Variants in GNA12 observed in about 807,000 individuals in gnomAD.
GNA12 encodes the protein guanine nucleotide-binding protein subunit alpha-12.
In GNA12, 9 loss-of-function variants were observed where a neutral mutation model predicts 26.0. That is an observed-to-expected ratio of 0.35 (90% confidence interval 0.21 to 0.60). The LOEUF (loss-of-function observed/expected upper bound fraction) is 0.60, where lower values mean the gene tolerates loss of function less well. GNA12 is among the 20% of genes least tolerant of loss of function. GNA12 has a pLI of 0.78. For synonymous variants in GNA12, 264 were observed against 219.6 expected (o/e 1.20, Z -1.79); for missense variants, 405 against 525.8 (o/e 0.77, Z 2.25).
intron 2 of GNA12, among the ~76,000 whole-genome samples, chr7:2,792,281 T>G (rs555018258): frequency 6.6e-6 from 1 of 152,224 alleles, no homozygotes; most frequent in African/African-American, 2.4e-5. Context: ...AGACTGGGCT[T>G]TGAGGCCCAA....
rs1791688469 is a variant in GNA12, at chr7:2,763,821, T to A, written c.526-30320A>T. On this transcript the variant is annotated intron_variant, in intron 2 of 3. Transcript: ENST00000275364. ...TCCCTGGGCAGGCGAGGCCGGGACC[T>A]CTGCACTGAGATCCCCACTCAGTGG... 2.0e-5 allele frequency among the ~76,000 whole-genome samples: 3 copies of A among 152,284 alleles called. No individual in the cohort carries two copies. In the South Asian group the frequency reaches 6.2e-4, roughly 32 times the overall value.
At chr7:2,766,200 T>C (rs1791797896) in intron 2 of GNA12, among the ~76,000 whole-genome samples, 1 of 152,176 alleles carries the variant, frequency 6.6e-6, no homozygotes, top group African/African-American at 2.4e-5. Flanking sequence ...GGTTATCACA[T>C]AAGCAGAATC....
At chr7:2,825,071 T>C (rs1267639942) in intron 1 of GNA12, among the ~76,000 whole-genome samples, 1 of 152,100 alleles carries the variant, frequency 6.6e-6, no homozygotes, top group Non-Finnish European at 1.5e-5. Context: ...TCCATGACCA[T>C]CTCTAAACAT....
At chr7:2,736,389 A>T (rs1790177513) in intron 2 of GNA12, among the ~76,000 whole-genome samples, 1 of 152,130 alleles carries the variant, frequency 6.6e-6, no homozygotes, top group Non-Finnish European at 1.5e-5. Context: ...AATGAAATGA[A>T]TTTCATTAGG....
At chr7:2,776,955 A>G (rs1792092761) in intron 2 of GNA12, among the ~76,000 whole-genome samples, 1 of 141,048 alleles carries the variant, frequency 7.1e-6, no homozygotes, top group Non-Finnish European at 1.6e-5. Context: ...CAATAATAAA[A>G]TAAGAATAAA....
intron 2 of GNA12, among the ~76,000 whole-genome samples, chr7:2,738,414 GGCTACGCACCGGC>G (rs1432884357): frequency 6.6e-6 from 1 of 152,200 alleles, no homozygotes; most frequent in African/African-American, 2.4e-5. Flanking sequence ...CGCAGTCAGG[GGCTACGCACCGGC>G]GAAGGAGAAG....
rs369485204 is a variant in GNA12 at position 2,731,154 on chromosome 7, C to T, written c.*27G>A. 64 of 1,537,674 alleles carry T rather than the reference C, an allele frequency of 4.2e-5. No homozygotes were observed. The highest frequency in any genetic ancestry group is 3.4e-4 in the Middle Eastern group (2 of 5,816). On this transcript the variant is annotated 3_prime_UTR_variant, in exon 4 of 4. Transcript: ENST00000275364. This position sits in a 1 kb window ranked among gnomAD's most constrained non-coding sequence, Gnocchi z 6.0. ...ACCGACAGCCGTGGGGGCTGCTCAA[C>T]GACGACAAACCCCGGGGCTTCCTCG...
At chr7:2,814,168 A>G in intron 1 of GNA12, 1 of 624,744 alleles carries the variant, frequency 1.6e-6, no homozygotes. Flanking sequence ...GGGACTTCTC[A>G]GCTCCCAGAA....
At chr7:2,814,733 C>CG in intron 1 of GNA12, 1 of 700,158 alleles carries the variant, frequency 1.4e-6, no homozygotes, top group Non-Finnish European at 2.4e-6. Flanking sequence ...TTGCATATAA[C>CG]GGCCTTCCAC....
intron 1 of GNA12, among the ~76,000 whole-genome samples, chr7:2,840,923 G>A (rs537762455): frequency 6.6e-6 from 1 of 152,278 alleles, no homozygotes; most frequent in South Asian, 2.1e-4. Context: ...ATGCGGGGGT[G>A]GGGGCTGAAG....
intron 1 of GNA12, among the ~76,000 whole-genome samples, chr7:2,827,318 G>A (rs1038671569): frequency 6.6e-6 from 1 of 152,188 alleles, no homozygotes; most frequent in South Asian, 2.1e-4. Flanking sequence ...GAGGTGGTGG[G>A]TGAACAACAC....
At chr7:2,751,347 C>T (rs1389942865) in intron 2 of GNA12, among the ~76,000 whole-genome samples, 4 of 147,904 alleles carry the variant, frequency 2.7e-5, no homozygotes, top group African/African-American at 1.0e-4. Context: ...GCCAAGACTG[C>T]ACCACTGCAA....
At position 2,736,000 on chromosome 7, in the gene GNA12, G is replaced by C. The variant is rs187078943; in HGVS notation, c.526-2499C>G. ...TTTGGTGCACTGCGGTTCACCAACAGAGACTGGACAATGCACCTGCTGATT... is the reference window on the plus strand; with the variant it reads ...TTTGGTGCACTGCGGTTCACCAACACAGACTGGACAATGCACCTGCTGATT... On this transcript the variant is annotated intron_variant, in intron 2 of 3. Coordinates refer to ENST00000275364, the MANE Select transcript of GNA12 (RefSeq NM_007353.3). Among the ~76,000 whole-genome samples, 140 of 152,318 alleles carry C rather than the reference G, an allele frequency of 9.2e-4. 1 individual carries two copies. The highest frequency in any genetic ancestry group is 3.2e-3 in the African/African-American group (131 of 41,566).
intron 2 of GNA12, among the ~76,000 whole-genome samples, chr7:2,756,000 C>T (rs1791274990): frequency 6.6e-6 from 1 of 152,122 alleles, no homozygotes; most frequent in Non-Finnish European, 1.5e-5. Flanking sequence ...CAAAACACCA[C>T]AGAATAACAA....
intron 2 of GNA12, among the ~76,000 whole-genome samples, chr7:2,793,881 CAAAA>C (rs71026557): frequency 7.3e-5 from 7 of 95,776 alleles, no homozygotes; most frequent in Admixed American, 2.2e-4. Flanking sequence ...GACTCCATCT[CAAAA>C]AAAAAAAAAA....
chr7:2,766,413 G>T (rs1397338363), intron 2 of GNA12, among the ~76,000 whole-genome samples: 2 of 144,522 alleles, frequency 1.4e-5, no homozygotes, highest in Non-Finnish European at 3.0e-5. Flanking sequence ...TTGAGACGGA[G>T]TCTTGCTCTG....
chr7:2,790,198 G>A (rs1792481931), intron 2 of GNA12, among the ~76,000 whole-genome samples: 1 of 152,172 alleles, frequency 6.6e-6, no homozygotes, highest in Non-Finnish European at 1.5e-5. Context: ...CCTCCTGCCG[G>A]ATAGAATTGT....
rs572285525 is a variant in GNA12 at position 2,805,946 on chromosome 7, T to C, written c.310-10803A>G. 2.3e-4 allele frequency among the ~76,000 whole-genome samples: 35 copies of C among 152,330 alleles called. No homozygotes were observed. In the East Asian group the frequency reaches 2.9e-3, roughly 13 times the overall value. On this transcript the variant is annotated intron_variant, in intron 1 of 3. Coordinates refer to ENST00000275364, the MANE Select transcript of GNA12 (RefSeq NM_007353.3). ...ACTGAGAGGTATTATAAATACATAC[T>C]GGATCACAAAGAGTACAAAAAGAAC...
At chr7:2,733,063 C>T (rs1440746059) in intron 3 of GNA12, among the ~76,000 whole-genome samples, 1 of 152,210 alleles carries the variant, frequency 6.6e-6, no homozygotes, top group African/African-American at 2.4e-5. Context: ...AAAATATTCT[C>T]TGCATTTGCT....
Sources: gnomAD v4.1 joint callset for allele counts (sites outside exome capture counted in the v4.1 genomes callset) on GRCh38, gnomAD v4.1.1 for gene constraint, Gnocchi (gnomAD v3.1) non-coding constraint, MANE v1.5 for transcripts, NCBI Gene and HGNC (gene_info 2026-07-23, HGNC 2026-07-21) for gene names.